Variants in FHOD3 observed in about 807,000 individuals in gnomAD.
FHOD3 encodes the protein FH1/FH2 domain-containing protein 3.
In FHOD3, 90 loss-of-function variants were observed where a neutral mutation model predicts 173.0. The ratio of observed to expected loss-of-function variants is 0.52; its 90% confidence interval spans 0.44 to 0.62. The LOEUF is 0.62. Ranked by LOEUF, FHOD3 falls within the 20% of genes least tolerant of loss-of-function variation. The pLI is 0.00. For missense variants in FHOD3, 1,945 were observed against 2,034.7 expected (o/e 0.96, Z 0.85); for synonymous variants, 828 against 823.0 (o/e 1.01, Z -0.10).
At chr18:36,493,024 TG>T (rs1277547957) in intron 3 of FHOD3, among the ~76,000 whole-genome samples, 1 of 152,178 alleles carries the variant, frequency 6.6e-6, no homozygotes, top group African/African-American at 2.4e-5. Flanking sequence ...GTCCCAGCTC[TG>T]GGGCCAGCAT....
intron 3 of FHOD3, among the ~76,000 whole-genome samples, chr18:36,439,701 G>T (rs547079308): frequency 6.6e-6 from 1 of 152,204 alleles, no homozygotes; most frequent in East Asian, 1.9e-4. Flanking sequence ...AGAACCAGGG[G>T]AGTGGGCAGT....
chr18:36,602,870 C>T (rs534703743), intron 8 of FHOD3, 102 bp downstream of exon 8: 63 of 889,300 alleles, frequency 7.1e-5, no homozygotes, highest in Admixed American at 2.7e-4. Context: ...GAAATAGTGT[C>T]GTAGCAGATA....
chr18:36,428,728 G>C (rs1395723969), intron 3 of FHOD3, among the ~76,000 whole-genome samples: 2 of 152,098 alleles, frequency 1.3e-5, no homozygotes, highest in Non-Finnish European at 2.9e-5. Context: ...GAACATGACA[G>C]CAGAATGATC....
intron 5 of FHOD3, among the ~76,000 whole-genome samples, chr18:36,542,751 A>T (rs1165679129): frequency 6.6e-6 from 1 of 152,204 alleles, no homozygotes; most frequent in Non-Finnish European, 1.5e-5. Flanking sequence ...ATTGCCAAAG[A>T]TGGTTTACAG....
intron 9 of FHOD3, among the ~76,000 whole-genome samples, chr18:36,624,262 G>A (rs2148780220): frequency 6.6e-6 from 1 of 152,252 alleles, no homozygotes; most frequent in East Asian, 1.9e-4. Context: ...CTTTACATAA[G>A]TGATTCTCAT....
At chr18:36,776,458 T>C (rs968780425) in intron 28 of FHOD3, among the ~76,000 whole-genome samples, 4 of 152,244 alleles carry the variant, frequency 2.6e-5, no homozygotes, top group Non-Finnish European at 5.9e-5. Context: ...TTTTAGCTGA[T>C]TACTTTCATT....
chr18:36,737,998 C>T (rs984072475), intron 20 of FHOD3, among the ~76,000 whole-genome samples: 1 of 152,126 alleles, frequency 6.6e-6, no homozygotes, highest in African/African-American at 2.4e-5. Context: ...GTAGTTGTAC[C>T]CTCAACCCAC....
intron 3 of FHOD3, among the ~76,000 whole-genome samples, chr18:36,401,170 G>T (rs1417979422): frequency 1.3e-5 from 2 of 152,094 alleles, no homozygotes; most frequent in African/African-American, 2.4e-5. Context: ...CCAAAGCACT[G>T]GTATCAAAAG....
At position 36,718,444 on chromosome 18, in the gene FHOD3, T is replaced by A; in HGVS notation, c.3146T>A (p.Val1049Asp). ...PLLDSIPPPP[V>D]PGNLLVPPPP... Reference sequence around the variant, plus strand: ...TTGGACAGCATTCCTCCCCCTCCTGTCCCTGGTAATTTATTGGTTCCTCCT... The same window carrying A: ...TTGGACAGCATTCCTCCCCCTCCTGACCCTGGTAATTTATTGGTTCCTCCT... Residue 1049 changes from valine to aspartate, a missense_variant, in exon 19 of 29, where the codon GTC (valine) becomes GAC (aspartate). Val to Asp is a radical substitution (Grantham distance 152). Transcript: ENST00000590592. The A allele has an allele frequency of 6.8e-7, 1 of 1,478,650 alleles. No individual in the cohort carries two copies. The highest frequency in any genetic ancestry group is 1.1e-5 in the South Asian group (1 of 88,802). 91.6% of individuals were successfully genotyped at this position (1,478,650 alleles called of 1,614,324 possible). A position where few individuals can be genotyped will look rare whatever the true frequency, so the allele number is the denominator to read the frequency against.
intron 25 of FHOD3, among the ~76,000 whole-genome samples, chr18:36,758,207 T>C (rs1476059043): frequency 1.3e-5 from 2 of 152,232 alleles, no homozygotes; most frequent in Non-Finnish European, 2.9e-5. Flanking sequence ...CGTGGAATGT[T>C]ACGGACTGGA....
Position 36,681,589 on chromosome 18 carries a change from T to C in FHOD3, c.1970+19T>C. 6.4e-7 allele frequency: 1 copy of C among 1,573,210 alleles called. No individual in the cohort carries two copies. The highest frequency in any genetic ancestry group is 1.7e-5 in the African/African-American group (1 of 59,060). ...AATTCAGGTAAGAAGGATCTTAAGA[T>C]TTTTTTTAAATAGTGAGTTAAAAAT... is the stretch of plus-strand genomic sequence containing the variant. On this transcript the variant is annotated intron_variant, in intron 15 of 28. Transcript: ENST00000590592.
chr18:36,329,522 A>G (rs909436134), intron 1 of FHOD3, among the ~76,000 whole-genome samples: 1 of 152,160 alleles, frequency 6.6e-6, no homozygotes, highest in Admixed American at 6.5e-5. Context: ...GGATTCTCTC[A>G]AGATGATGAA....
At chr18:36,553,933 C>G (rs917810035) in intron 5 of FHOD3, among the ~76,000 whole-genome samples, 1 of 152,110 alleles carries the variant, frequency 6.6e-6, no homozygotes, top group African/African-American at 2.4e-5. Context: ...AAAACCACAA[C>G]AAGATACCAT....
intron 10 of FHOD3, among the ~76,000 whole-genome samples, chr18:36,637,839 C>T (rs1336584533): frequency 6.6e-6 from 1 of 152,126 alleles, no homozygotes; most frequent in African/African-American, 2.4e-5. Context: ...GCATGGCAAA[C>T]AATTGGGGAC....
chr18:36,715,353 C>T (rs773408442), intron 18 of FHOD3, among the ~76,000 whole-genome samples: 1 of 152,190 alleles, frequency 6.6e-6, no homozygotes, highest in Admixed American at 6.5e-5. Context: ...TAAAGGAGGA[C>T]ATGTTTTCTT....
intron 14 of FHOD3, among the ~76,000 whole-genome samples, chr18:36,679,710 ATTGATT>A (rs2038107833): frequency 6.6e-6 from 1 of 151,410 alleles, no homozygotes; most frequent in South Asian, 2.1e-4. Context: ...TCTCCTTGTT[ATTGATT>A]TTCAATGCAG....
Position 36,717,982 on chromosome 18 carries a change from C to T in FHOD3, c.2684C>T (p.Thr895Ile). Reference sequence around the variant, plus strand: ...AAGGGGGATGGGGAGGCTGGGAGGACCCAGCAGGAGGCAGAGGCGGTAGCC... The same window carrying T: ...AAGGGGGATGGGGAGGCTGGGAGGATCCAGCAGGAGGCAGAGGCGGTAGCC... Reference protein sequence around the residue: ...EEKGDGEAGRTQQEAEAVASL... With the variant: ...EEKGDGEAGRIQQEAEAVASL... Residue 895 changes from threonine (T) to isoleucine (I), a missense_variant, in exon 19 of 29, where the codon ACC (threonine) becomes ATC (isoleucine). Physicochemically the swap from Thr to Ile is moderately conservative, Grantham distance 89. Transcript: ENST00000590592. 6.2e-7 allele frequency: 1 copy of T among 1,613,490 alleles called. No individual in the cohort carries two copies. The highest frequency in any genetic ancestry group is 8.5e-7 in the Non-Finnish European group (1 of 1,179,730).
At chr18:36,485,679 A>C (rs2054157334) in intron 3 of FHOD3, among the ~76,000 whole-genome samples, 1 of 152,238 alleles carries the variant, frequency 6.6e-6, no homozygotes, top group South Asian at 2.1e-4. Flanking sequence ...CCTGAAACCT[A>C]GCACAGAGCA....
At chr18:36,502,192 TAAA>T (rs1176324904) in intron 4 of FHOD3, among the ~76,000 whole-genome samples, 193 bp downstream of exon 4, 1 of 152,004 alleles carries the variant, frequency 6.6e-6, no homozygotes, top group South Asian at 2.1e-4. Context: ...TCAAACATAA[TAAA>T]AAGTAAAGGT....
Sources: allele counts gnomAD v4.1 joint callset (sites outside exome capture counted in the v4.1 genomes callset), GRCh38; gene constraint gnomAD v4.1.1; transcripts MANE v1.5; gene names NCBI Gene and HGNC (gene_info 2026-07-23, HGNC 2026-07-21).